The following LRRC37A3 variants were observed in gnomAD, a reference collection of about 807,000 sequenced individuals.
LRRC37A3 encodes leucine-rich repeat-containing protein 37A3.
Under a neutral mutation model 106.2 loss-of-function variants are expected in LRRC37A3, and 25 were observed. The observed-to-expected ratio is 0.24, with a 90% CI of 0.17 to 0.33. The LOEUF (loss-of-function observed/expected upper bound fraction) is 0.33, where lower values mean the gene tolerates loss of function less well. Among genes scored for constraint, LRRC37A3 ranks in the 10% least tolerant of loss-of-function variants. LRRC37A3 has a pLI of 1.00. For synonymous variants in LRRC37A3, 305 were observed against 635.8 expected, an observed-to-expected ratio of 0.48 and a Z score of 7.83; for missense variants, 712 against 1,644.9, an observed-to-expected ratio of 0.43 and a Z score of 9.81.
intron 10 of LRRC37A3, among the ~76,000 whole-genome samples, chr17:64,864,475 C>T (rs1165082657): frequency 6.6e-6 from 1 of 152,032 alleles, no homozygotes; most frequent in Admixed American, 6.6e-5. Context: ...GAATTTTTTT[C>T]AATACGTAAA....
At chr17:64,855,197 G>A (rs1165664454) in intron 14 of LRRC37A3, among the ~76,000 whole-genome samples, 1 of 151,766 alleles carries the variant, frequency 6.6e-6, no homozygotes, top group South Asian at 2.1e-4. Context: ...TGAGAAAATA[G>A]TGTTTCCTCA....
In LRRC37A3 at chr17:64,855,836, T is replaced by G. The variant is rs778770588; in HGVS notation, c.4859+4A>C. On this transcript the variant is annotated splice_donor_region_variant and intron_variant, in intron 14 of 14. Coordinates refer to ENST00000584306, the MANE Select transcript of LRRC37A3 (RefSeq NM_199340.5). ...GAAAAAAAAATCACCAGACTAATATTTACCTTGAGAATCCTTCTTCATCTT... is the reference window on the plus strand; with the variant it reads ...GAAAAAAAAATCACCAGACTAATATGTACCTTGAGAATCCTTCTTCATCTT... 2 of 1,611,722 alleles carry G rather than the reference T, an allele frequency of 1.2e-6. No individual in the cohort carries two copies. Among genetic ancestry groups the G allele is most frequent in the Non-Finnish European group, 1.7e-6 (2 of 1,179,670 alleles).
At chr17:64,912,533 A>G (rs1227365099) in intron 2 of LRRC37A3, among the ~76,000 whole-genome samples, 5 of 152,184 alleles carry the variant, frequency 3.3e-5, no homozygotes, top group African/African-American at 4.8e-5. Context: ...TTAATAAAAC[A>G]TAACACTAAA....
At chr17:64,880,608 G>C in intron 8 of LRRC37A3, among the ~76,000 whole-genome samples, 1 of 152,136 alleles carries the variant, frequency 6.6e-6, no homozygotes, top group Non-Finnish European at 1.5e-5. Flanking sequence ...CTCAAAGACT[G>C]TCTCAGAGTA....
At chr17:64,899,419 CAAAAAA>C (rs71215666) in intron 2 of LRRC37A3, among the ~76,000 whole-genome samples, 8 of 100,272 alleles carry the variant, frequency 8.0e-5, no homozygotes, top group South Asian at 2.9e-4. Flanking sequence ...GACTCCATCT[CAAAAAA>C]AAAAAAAAAA....
At chr17:64,875,221 G>T (rs1315035641) in intron 8 of LRRC37A3, among the ~76,000 whole-genome samples, 1 of 152,204 alleles carries the variant, frequency 6.6e-6, no homozygotes, top group Non-Finnish European at 1.5e-5. Flanking sequence ...AGGCTGCAAC[G>T]ATGTGAGTGG....
intron 8 of LRRC37A3, among the ~76,000 whole-genome samples, chr17:64,876,164 C>G (rs1412096167): frequency 6.6e-6 from 1 of 152,108 alleles, no homozygotes; most frequent in African/African-American, 2.4e-5. Flanking sequence ...ACCACTGCAT[C>G]TGGCCACAAA....
chr17:64,899,433 A>G (rs1268026490), intron 2 of LRRC37A3, among the ~76,000 whole-genome samples: 1 of 143,934 alleles, frequency 6.9e-6, no homozygotes, highest in Non-Finnish European at 1.5e-5. Flanking sequence ...AAAAAAAAAA[A>G]AAAAAAAGAT....
At position 64,861,210 on chromosome 17, in the gene LRRC37A3, A is replaced by T. The variant is rs531679580; in HGVS notation, c.3173-237T>A. Among the ~76,000 whole-genome samples, 12 of 152,312 alleles carry T rather than the reference A, an allele frequency of 7.9e-5. No individual in the cohort carries two copies. In the South Asian group the frequency reaches 1.2e-3, roughly 16 times the overall value. ...AACATTCCATAGTGTGACATAGAGT[A>T]ACTCTGTTTAGGATTATTTCGTTGA... On this transcript the variant is annotated intron_variant, in intron 11 of 14. Coordinates refer to ENST00000584306, the MANE Select transcript of LRRC37A3 (RefSeq NM_199340.5).
At chr17:64,917,289 T>C (rs907789537) in intron 2 of LRRC37A3, among the ~76,000 whole-genome samples, 4 of 141,790 alleles carry the variant, frequency 2.8e-5, no homozygotes, top group African/African-American at 1.1e-4. Flanking sequence ...TATCAAGTGC[T>C]AGGGAGGATA....
At chr17:64,872,790 G>C (rs1973366798) in intron 8 of LRRC37A3, among the ~76,000 whole-genome samples, 1 of 152,022 alleles carries the variant, frequency 6.6e-6, no homozygotes, top group Non-Finnish European at 1.5e-5. Flanking sequence ...CGCATGCATA[G>C]GGCAGACTGT....
chr17:64,916,129 GGC>G (rs772762947), intron 2 of LRRC37A3, among the ~76,000 whole-genome samples: 35 of 151,882 alleles, frequency 2.3e-4, no homozygotes, highest in Non-Finnish European at 4.3e-4. Context: ...AAAGAAGCCT[GGC>G]GTGGTGGCTC....
intron 11 of LRRC37A3, among the ~76,000 whole-genome samples, chr17:64,861,230 C>T (rs565576773): frequency 5.3e-5 from 8 of 152,236 alleles, no homozygotes; most frequent in East Asian, 1.9e-4. Flanking sequence ...AGGATTATTT[C>T]GTTGATCCCC....
chr17:64,856,572 G>A (rs999974829), intron 13 of LRRC37A3, among the ~76,000 whole-genome samples: 8 of 149,220 alleles, frequency 5.4e-5, no homozygotes, highest in Admixed American at 5.3e-4. Flanking sequence ...TATTTTTATT[G>A]TTTTTTTTTT....
At chr17:64,866,331 C>G (rs1356075737) in intron 10 of LRRC37A3, among the ~76,000 whole-genome samples, 1 of 151,692 alleles carries the variant, frequency 6.6e-6, no homozygotes, top group Non-Finnish European at 1.5e-5. Context: ...ATCTGACAAC[C>G]TGGTGAAGAT....
At chr17:64,915,432 C>T (rs1974683033) in intron 2 of LRRC37A3, among the ~76,000 whole-genome samples, 1 of 152,234 alleles carries the variant, frequency 6.6e-6, no homozygotes, top group Non-Finnish European at 1.5e-5. Context: ...ATGTGAAATT[C>T]AAACTGCAGT....
Position 64,860,439 on chromosome 17 carries a change from G to C in LRRC37A3, c.3707C>G (p.Ser1236Trp), listed in dbSNP as rs140181488. Residue 1236 changes from serine to tryptophan, a missense_variant, in exon 12 of 15, where the codon TCG (serine) becomes TGG (tryptophan). Ser to Trp is a radical substitution (Grantham distance 177, BLOSUM62 -3). Transcript: ENST00000584306. The part of the protein sequence containing the change: ...LAGNAVYTKP[S>W]FTQEHKAAVS... The stretch of plus-strand genomic sequence containing the variant: ...TGCTGCCTTATGCTCTTGGGTGAAC[G>C]AAGGCTTGGTGTAGACGGCGTTTCC... The C allele has an allele frequency of 6.8e-6, 11 of 1,613,942 alleles. No individual in the cohort carries two copies. Among genetic ancestry groups the C allele is most frequent in the South Asian group, 3.3e-5 (3 of 91,072 alleles).
At position 64,855,911 on chromosome 17, in the gene LRRC37A3, T is replaced by G. The variant is rs537022750; in HGVS notation, c.4810-22A>C. ...AGATCTGTTTTAGAAGAAAACGCAA[T>G]TAAGATTATCTATGACAACAACCAC... On this transcript the variant is annotated intron_variant, in intron 13 of 14. Coordinates refer to ENST00000584306, the MANE Select transcript of LRRC37A3 (RefSeq NM_199340.5). 6.8e-6 allele frequency: 11 copies of G among 1,611,668 alleles called. No individual in the cohort carries two copies. The East Asian group carries it at 2.5e-4, about 36-fold the overall frequency.
chr17:64,857,393 T>A, intron 13 of LRRC37A3, among the ~76,000 whole-genome samples: 1 of 152,228 alleles, frequency 6.6e-6, no homozygotes, highest in East Asian at 1.9e-4. Context: ...AATGAATACA[T>A]GACATGAGAT....
Sources: gnomAD v4.1 joint callset for allele counts (sites outside exome capture counted in the v4.1 genomes callset) on GRCh38, gnomAD v4.1.1 for gene constraint, MANE v1.5 for transcripts, NCBI Gene and HGNC (gene_info 2026-07-23, HGNC 2026-07-21) for gene names.